RNF38: variants seen among roughly 807,000 people sequenced by gnomAD.
RNF38 encodes E3 ubiquitin-protein ligase RNF38.
In RNF38, 15 loss-of-function variants were observed where a neutral mutation model predicts 67.2. The ratio of observed to expected loss-of-function variants is 0.22; its 90% confidence interval spans 0.15 to 0.34. The LOEUF is 0.34. Ranked by LOEUF, RNF38 falls within the 10% of genes least tolerant of loss-of-function variation. The pLI is 1.00. For synonymous variants in RNF38, 220 were observed against 218.8 expected (o/e 1.01, Z -0.05); for missense variants, 524 against 639.9 (o/e 0.82, Z 1.95).
At chr9:36,375,846 C>T in intron 3 of RNF38, 88 bp downstream of exon 3, 1 of 1,235,096 alleles carries the variant, frequency 8.1e-7, no homozygotes, top group Non-Finnish European at 1.1e-6. Context: ...TTATGAAATG[C>T]CTACAGAAAA....
At chr9:36,374,593 G>T (rs2133837000) in intron 3 of RNF38, among the ~76,000 whole-genome samples, 1 of 152,214 alleles carries the variant, frequency 6.6e-6, no homozygotes, top group South Asian at 2.1e-4. Flanking sequence ...CCCTGCCTCA[G>T]ATTCGCCCGT....
At chr9:36,348,315 C>T (rs911892152) in intron 9 of RNF38, among the ~76,000 whole-genome samples, 3 of 151,356 alleles carry the variant, frequency 2.0e-5, no homozygotes, top group African/African-American at 7.3e-5. Flanking sequence ...AAAAAAAAAT[C>T]CACAAAAATT....
In RNF38 at chr9:36,356,294, G is replaced by A. The variant is rs768162370; in HGVS notation, c.909+9C>T. 8.7e-6 allele frequency: 14 copies of A among 1,613,528 alleles called. 1 individual carries two copies. The highest frequency in any genetic ancestry group is 1.6e-4 in the Middle Eastern group (1 of 6,062). On this transcript the variant is annotated intron_variant, in intron 6 of 11. Transcript: ENST00000259605. The stretch of plus-strand genomic sequence containing the variant: ...CTAAACATTCTGACATAATAGTAGA[G>A]ATACCTACCGATCGTGATTGCTGTG...
At chr9:36,476,326 G>A (rs571579466) in intron 1 of RNF38, among the ~76,000 whole-genome samples, 11 of 152,018 alleles carry the variant, frequency 7.2e-5, no homozygotes, top group South Asian at 2.1e-4. Context: ...CCTTGGCCAA[G>A]CTGGTCTTGA....
intron 2 of RNF38, among the ~76,000 whole-genome samples, chr9:36,382,505 C>G (rs896242390): frequency 6.6e-5 from 10 of 152,048 alleles, no homozygotes; most frequent in Admixed American, 3.3e-4. Flanking sequence ...TCATTAAAGG[C>G]TAAAGAAAAA....
In RNF38 at chr9:36,339,464, C is replaced by T; in HGVS notation, c.*288G>A. 1 of 377,124 alleles carries T rather than the reference C, an allele frequency of 2.7e-6. No individual in the cohort carries two copies. The highest frequency in any genetic ancestry group is 4.9e-6 in the Non-Finnish European group (1 of 204,888). The allele number at this position is 377,124 out of a possible 1,614,324, so 23.4% of individuals were successfully genotyped here. A position where few individuals can be genotyped will look rare whatever the true frequency, so the allele number is the denominator to read the frequency against. On this transcript the variant is annotated 3_prime_UTR_variant, in exon 12 of 12. Coordinates refer to ENST00000259605, the MANE Select transcript of RNF38 (RefSeq NM_022781.5). ...GATCACGTCCACTGTAATCTTGCAG[C>T]AACACTCGGAATGATCACACAAAAA...
At chr9:36,463,846 T>C (rs1839794625) in intron 1 of RNF38, among the ~76,000 whole-genome samples, 1 of 152,178 alleles carries the variant, frequency 6.6e-6, no homozygotes, top group Non-Finnish European at 1.5e-5. Flanking sequence ...ACTTACTCTT[T>C]TGTCCTCAGA....
intron 1 of RNF38, among the ~76,000 whole-genome samples, chr9:36,450,262 A>AT (rs1839405561): frequency 1.3e-5 from 2 of 150,088 alleles, no homozygotes; most frequent in African/African-American, 5.1e-5. Context: ...CTCCCACTTG[A>AT]CTTTTTTTTT....
chr9:36,410,286 T>C (rs1327945472), intron 2 of RNF38, among the ~76,000 whole-genome samples: 1 of 152,206 alleles, frequency 6.6e-6, no homozygotes, highest in Non-Finnish European at 1.5e-5. Context: ...AATGAAACAC[T>C]ACAAAAGAAC....
intron 1 of RNF38, among the ~76,000 whole-genome samples, chr9:36,393,312 A>C (rs1487765227): frequency 6.6e-6 from 1 of 152,166 alleles, no homozygotes; most frequent in Non-Finnish European, 1.5e-5. Context: ...TCTCCTACTC[A>C]CAACAGTTTC....
intron 11 of RNF38, among the ~76,000 whole-genome samples, chr9:36,341,245 C>A (rs189426422): frequency 6.6e-6 from 1 of 152,070 alleles, no homozygotes; most frequent in South Asian, 2.1e-4. Context: ...ATTCTCTGTC[C>A]GCACGTGTCA....
At chr9:36,382,227 T>C (rs1180408594) in intron 2 of RNF38, among the ~76,000 whole-genome samples, 5 of 152,230 alleles carry the variant, frequency 3.3e-5, no homozygotes, top group South Asian at 2.1e-4. Flanking sequence ...ACTGTCTCTA[T>C]TATTTAATAA....
chr9:36,347,136 G>T (rs1587467614), intron 9 of RNF38, among the ~76,000 whole-genome samples: 1 of 12,672 alleles, frequency 7.9e-5, no homozygotes, highest in Non-Finnish European at 1.9e-4. Flanking sequence ...GGGGGGGGGG[G>T]GGGGGGGGGG....
intron 11 of RNF38, among the ~76,000 whole-genome samples, chr9:36,341,120 C>T (rs1207470467): frequency 2.0e-5 from 3 of 152,156 alleles, no homozygotes; most frequent in African/African-American, 4.8e-5. Context: ...AACTCCTTTA[C>T]GCTTCAGAGT....
chr9:36,424,250 T>C (rs1838712440), intron 2 of RNF38, among the ~76,000 whole-genome samples: 1 of 152,086 alleles, frequency 6.6e-6, no homozygotes. Context: ...CAAAATGTAA[T>C]GTCCAGGATA....
intron 1 of RNF38, among the ~76,000 whole-genome samples, chr9:36,424,929 T>C (rs2134243611): frequency 6.6e-6 from 1 of 152,310 alleles, no homozygotes; most frequent in East Asian, 1.9e-4. Context: ...AAACTGCTAA[T>C]TCCCCCTCTT....
intron 6 of RNF38, 107 bp from the exon 7 acceptor site, chr9:36,353,438 TTTAAGGCCA>T: frequency 1.4e-6 from 1 of 695,834 alleles, no homozygotes; most frequent in East Asian, 3.1e-5. Context: ...CCAAAATGTC[TTTAAGGCCA>T]TGCATCTCTT....
At chr9:36,417,016 T>A (rs1432199665) in intron 2 of RNF38, among the ~76,000 whole-genome samples, 1 of 152,146 alleles carries the variant, frequency 6.6e-6, no homozygotes, top group Non-Finnish European at 1.5e-5. Context: ...CCTCCCAAAG[T>A]GCTGGGATTA....
chr9:36,434,286 A>G (rs1488707322), intron 1 of RNF38, among the ~76,000 whole-genome samples: 1 of 95,926 alleles, frequency 1.0e-5, no homozygotes, highest in Non-Finnish European at 2.1e-5. Flanking sequence ...GGGATAGGGG[A>G]GAAGGGGAGG....
Sources: gnomAD v4.1 joint callset for allele counts (sites outside exome capture counted in the v4.1 genomes callset) on GRCh38, gnomAD v4.1.1 for gene constraint, MANE v1.5 for transcripts, NCBI Gene and HGNC (gene_info 2026-07-23, HGNC 2026-07-21) for gene names.